Variants in RASSF4 observed in about 807,000 individuals in gnomAD.
The protein encoded by RASSF4 is ras association domain-containing protein 4.
RASSF4 carries 38 observed loss-of-function variants against 41.1 expected under a neutral mutation model. The ratio of observed to expected loss-of-function variants is 0.92; its 90% CI spans 0.71 to 1.21. The LOEUF (loss-of-function observed/expected upper bound fraction) is 1.21, where lower values mean the gene tolerates loss of function less well. Among genes scored for constraint, RASSF4 ranks in the 50% most tolerant of loss-of-function variants. RASSF4 has a pLI of 0.00. For synonymous variants in RASSF4, 179 were observed against 163.4 expected, an observed-to-expected ratio of 1.10 and a Z score of -0.73; for missense variants, 414 against 419.4, an observed-to-expected ratio of 0.99 and a Z score of 0.11.
At chr10:44,980,668 C>T (rs1430116805) in intron 3 of RASSF4, among the ~76,000 whole-genome samples, 2 of 152,232 alleles carry the variant, frequency 1.3e-5, no homozygotes, top group Non-Finnish European at 2.9e-5. Flanking sequence ...AGCTCCATTG[C>T]ATCTCCTTCT....
chr10:44,977,409 C>G (rs1375167922), intron 3 of RASSF4: 1 of 1,588,624 alleles, frequency 6.3e-7, no homozygotes, highest in Admixed American at 1.7e-5. Flanking sequence ...TCATGGATCA[C>G]CGGGAGGTGC....
chr10:44,982,322 G>A (rs1204939280), intron 3 of RASSF4, 199 bp from the exon 4 acceptor site: 3 of 697,410 alleles, frequency 4.3e-6, no homozygotes, highest in Non-Finnish European at 7.6e-6. Flanking sequence ...CATGAGCTGA[G>A]CACATCTCAG....
chr10:44,964,156 G>C (rs890307795), intron 1 of RASSF4, among the ~76,000 whole-genome samples: 3 of 152,272 alleles, frequency 2.0e-5, no homozygotes, highest in Non-Finnish European at 4.4e-5. Context: ...ACAGCAGACT[G>C]TCTCTCTCTG....
intron 4 of RASSF4, chr10:44,983,214 T>C (rs573234737): frequency 8.8e-6 from 3 of 342,830 alleles, no homozygotes; most frequent in African/African-American, 6.4e-5. Flanking sequence ...TAGCTGGGCC[T>C]TGCCTGCTTC....
chr10:44,966,052 C>T (rs911510150), intron 1 of RASSF4, among the ~76,000 whole-genome samples: 7 of 152,202 alleles, frequency 4.6e-5, no homozygotes, highest in African/African-American at 7.2e-5. Context: ...CTGTCAACCA[C>T]GGCAATCCCC....
At chr10:44,990,878 G>C (rs995974873) in intron 8 of RASSF4, 70 bp from the exon 9 acceptor site, 492 of 1,539,254 alleles carry the variant, frequency 3.2e-4, no homozygotes, top group Non-Finnish European at 4.2e-4. Context: ...TTTTCTATCA[G>C]TTCCTAATCT....
chr10:44,982,328 C>A, intron 3 of RASSF4, 193 bp from the exon 4 acceptor site: 1 of 714,512 alleles, frequency 1.4e-6, no homozygotes, highest in Admixed American at 2.3e-5. Context: ...CTGAGCACAT[C>A]TCAGGCTCCC....
intron 1 of RASSF4, among the ~76,000 whole-genome samples, chr10:44,966,006 C>T (rs1840890180): frequency 6.6e-6 from 1 of 152,228 alleles, no homozygotes; most frequent in Non-Finnish European, 1.5e-5. Flanking sequence ...TTACCCAGAG[C>T]TCTAGAAGAT....
intron 6 of RASSF4, among the ~76,000 whole-genome samples, chr10:44,987,839 A>G (rs551474650): frequency 8.5e-5 from 13 of 152,298 alleles, no homozygotes; most frequent in Non-Finnish European, 1.6e-4. Flanking sequence ...ACAGTATAGT[A>G]TAAACATATC....
At chr10:44,993,191 T>G in intron 10 of RASSF4, 78 bp from the exon 11 acceptor site, 1 of 1,253,200 alleles carries the variant, frequency 8.0e-7, no homozygotes, top group Admixed American at 1.7e-5. Flanking sequence ...GCTGGCCATC[T>G]GCAGGTCCCT....
chr10:44,974,273 C>A (rs1487079910), intron 3 of RASSF4, among the ~76,000 whole-genome samples: 1 of 152,240 alleles, frequency 6.6e-6, no homozygotes, highest in Admixed American at 6.5e-5. Context: ...AGACACTTCC[C>A]CAGAGAACCT....
rs367625429 is a variant in RASSF4, at chr10:44,991,018, C to T, written c.756C>T (p.Ile252=). ...SRILHGPCEK[I]ARIFLMEADL... ...TCCTGCATGGGCCATGTGAGAAGAT[C>T]GCCAGGATCTTCCTGATGGAAGCTG... Residue 252 remains isoleucine (I), a synonymous_variant, in exon 9 of 11, where the codon ATC becomes ATT. Transcript: ENST00000340258. 20 of 1,613,676 alleles carry T rather than the reference C, an allele frequency of 1.2e-5. No homozygotes were observed. The African/African-American group carries it at 1.9e-4, about 15-fold the overall frequency.
At chr10:44,970,320 A>C in intron 2 of RASSF4, 56 bp downstream of exon 2, 1 of 1,436,866 alleles carries the variant, frequency 7.0e-7, no homozygotes, top group Non-Finnish European at 9.8e-7. Flanking sequence ...CATCCCCCTC[A>C]TCCTGGGCAG....
chr10:44,963,642 C>G (rs891428401), intron 1 of RASSF4, among the ~76,000 whole-genome samples: 1 of 152,184 alleles, frequency 6.6e-6, no homozygotes, highest in Non-Finnish European at 1.5e-5. Flanking sequence ...CAGCTGTGCC[C>G]CACACACTTG....
At chr10:44,989,762 T>TTCAGCAAGCCCC in intron 8 of RASSF4, 41 bp downstream of exon 8, 1 of 1,564,474 alleles carries the variant, frequency 6.4e-7, no homozygotes, top group Non-Finnish European at 8.8e-7. Flanking sequence ...AAGCAAAAGG[T>TTCAGCAAGCCCC]CTCTACCTGT....
chr10:44,967,055 C>G (rs1205696266), intron 1 of RASSF4, among the ~76,000 whole-genome samples: 1 of 152,126 alleles, frequency 6.6e-6, no homozygotes, highest in Non-Finnish European at 1.5e-5. Context: ...TTGCATGAGA[C>G]TTGGTCTGGG....
At chr10:44,978,416 G>A (rs1301181709) in intron 3 of RASSF4, among the ~76,000 whole-genome samples, 1 of 152,140 alleles carries the variant, frequency 6.6e-6, no homozygotes, top group Admixed American at 6.5e-5. Flanking sequence ...ATAAAACAGG[G>A]TTATAAATAC....
Position 44,991,935 on chromosome 10 carries a change from G to C in RASSF4, c.838G>C (p.Val280Leu). The change falls in exon 10 of 11, where the codon GTG (valine) becomes CTG (leucine). Residue 280 changes from valine (V) to leucine (L), a missense_variant. Physicochemically the swap from Val to Leu is conservative, Grantham distance 32 (BLOSUM62 1). Coordinates refer to ENST00000340258, the MANE Select transcript of RASSF4 (RefSeq NM_032023.4). Reference protein sequence around the residue: ...VAQYIKFEMPVLDSFVEKLKE... With the variant: ...VAQYIKFEMPLLDSFVEKLKE... ...TCAGTACATTAAGTTTGAAATGCCG[G>C]TGCTGGACAGTTTTGTTGAAAAATT... The C allele has an allele frequency of 2.5e-6, 4 of 1,613,474 alleles. No individual in the cohort carries two copies. The highest frequency in any genetic ancestry group is 2.5e-6 in the Non-Finnish European group (3 of 1,179,418).
intron 4 of RASSF4, 82 bp from the exon 5 acceptor site, chr10:44,983,939 AG>A (rs1393898806): frequency 1.3e-6 from 2 of 1,549,590 alleles, no homozygotes; most frequent in Non-Finnish European, 1.7e-6. Flanking sequence ...GTCCTACCCC[AG>A]GGGCTGCTGG....
Sources: gnomAD v4.1 joint callset for allele counts (sites outside exome capture counted in the v4.1 genomes callset) on GRCh38, gnomAD v4.1.1 for gene constraint, MANE v1.5 for transcripts, NCBI Gene and HGNC (gene_info 2026-07-23, HGNC 2026-07-21) for gene names.